Variants in ARHGAP26 observed in about 807,000 individuals in gnomAD.
ARHGAP26 encodes the protein Rho GTPase activating protein 26, also known as rho GTPase-activating protein 26.
In ARHGAP26, 38 loss-of-function variants were observed where a neutral mutation model predicts 104.8. The ratio of observed to expected loss-of-function variants is 0.36; its 90% CI spans 0.28 to 0.48. The LOEUF (loss-of-function observed/expected upper bound fraction) is 0.48. Ranked by LOEUF, ARHGAP26 falls within the 20% of genes least tolerant of loss-of-function variation. The pLI, the probability that ARHGAP26 is intolerant of heterozygous loss-of-function variation, is 0.99. For missense variants in ARHGAP26, 704 were observed against 947.9 expected (o/e 0.74, Z 3.38); for synonymous variants, 341 against 340.0 (o/e 1.00, Z -0.03).
chr5:142,789,052 G>A lies in ARHGAP26; in HGVS notation c.154+18137G>A, dbSNP rs570000184. Among the ~76,000 whole-genome samples the A allele has an allele frequency of 1.4e-4, 21 of 152,298 alleles. No homozygotes were observed. In the East Asian group the frequency reaches 1.7e-3, roughly 13 times the overall value. ...CTTGATCTAATGCCAACCCTTTTGC[G>A]TGGAACTATTGTTATACTGCTGACT... On this transcript the variant is annotated intron_variant, in intron 1 of 22. Coordinates refer to ENST00000645722, the MANE Select transcript of ARHGAP26 (RefSeq NM_001135608.3).
chr5:143,103,029 T>C (rs1793485497), intron 17 of ARHGAP26, among the ~76,000 whole-genome samples: 1 of 152,158 alleles, frequency 6.6e-6, no homozygotes, highest in South Asian at 2.1e-4. Context: ...CAACTATTTT[T>C]CTTCCCCATG....
chr5:143,014,147 G>T (rs749146536), intron 12 of ARHGAP26, 31 bp downstream of exon 12: 1 of 1,613,368 alleles, frequency 6.2e-7, no homozygotes, highest in Admixed American at 1.7e-5. Flanking sequence ...ACCTTCTACA[G>T]CCAGGGTTGG....
chr5:142,931,103 A>C (rs1402884906), intron 10 of ARHGAP26, among the ~76,000 whole-genome samples: 1 of 152,226 alleles, frequency 6.6e-6, no homozygotes. Flanking sequence ...GATGGTTTTA[A>C]CTAGCAATTC....
chr5:142,807,716 G>C (rs533051125), intron 1 of ARHGAP26, among the ~76,000 whole-genome samples: 2 of 152,322 alleles, frequency 1.3e-5, no homozygotes, highest in East Asian at 3.9e-4. Context: ...CTGAGGACAG[G>C]ATGTGAGTGC....
At position 143,135,899 on chromosome 5, in the gene ARHGAP26, A is replaced by C. The variant is rs6896055; in HGVS notation, c.1837+1794A>C. ...TGGGGTCATTCTCACTGTGGTCTGCACGTGGCCTGGGCCCCTGCGAGTGTA... is the reference window on the plus strand; with the variant it reads ...TGGGGTCATTCTCACTGTGGTCTGCCCGTGGCCTGGGCCCCTGCGAGTGTA... On this transcript the variant is annotated intron_variant, in intron 19 of 22. Coordinates refer to ENST00000645722, the MANE Select transcript of ARHGAP26 (RefSeq NM_001135608.3). Among the ~76,000 whole-genome samples, 1,158 of 152,312 alleles carry C rather than the reference A, an allele frequency of 7.6e-3. 20 individuals carry two copies. The highest frequency in any genetic ancestry group is 0.027 in the African/African-American group (1,111 of 41,566).
At chr5:143,101,382 C>T (rs1793209609) in intron 17 of ARHGAP26, among the ~76,000 whole-genome samples, 3 of 152,176 alleles carry the variant, frequency 2.0e-5, no homozygotes, top group South Asian at 2.1e-4. Context: ...GCCCCATACA[C>T]CTTCTATTTC....
chr5:142,776,565 T>C (rs991720179), intron 1 of ARHGAP26, among the ~76,000 whole-genome samples: 1 of 152,228 alleles, frequency 6.6e-6, no homozygotes, highest in African/African-American at 2.4e-5. Context: ...TGTTGTAGCA[T>C]GTATCAGTAG....
intron 10 of ARHGAP26, among the ~76,000 whole-genome samples, chr5:142,929,256 C>T (rs1255723348): frequency 2.0e-5 from 3 of 152,092 alleles, no homozygotes; most frequent in Non-Finnish European, 4.4e-5. Flanking sequence ...TTTAATCTCT[C>T]TCTTCTCTGT....
intron 13 of ARHGAP26, among the ~76,000 whole-genome samples, chr5:143,040,404 G>C (rs1271074351): frequency 6.6e-6 from 1 of 150,526 alleles, no homozygotes; most frequent in Non-Finnish European, 1.5e-5. Context: ...TCTTTTGGAA[G>C]ATTGTGTTTT....
Position 143,056,089 on chromosome 5 carries a change from A to C in ARHGAP26, c.1432+3A>C, listed in dbSNP as rs1467535173. 5.0e-6 allele frequency: 8 copies of C among 1,612,328 alleles called. 1 individual carries two copies. The South Asian group carries it at 5.5e-5, about 11-fold the overall frequency. ...AAGAAGTTTCATCAAAGCAGCAAGT[A>C]AGTCTTTTTTGTCTCAGTTTTAAGG... is the stretch of plus-strand genomic sequence containing the variant. On this transcript the variant is annotated splice_donor_region_variant and intron_variant, in intron 16 of 22. Transcript: ENST00000645722.
chr5:142,794,957 C>T (rs1420379496), intron 1 of ARHGAP26, among the ~76,000 whole-genome samples: 2 of 152,118 alleles, frequency 1.3e-5, no homozygotes, highest in Non-Finnish European at 2.9e-5. Context: ...GATTAGACTA[C>T]AAAGGTGGGC....
At chr5:143,077,448 G>T (rs1405765394) in intron 17 of ARHGAP26, among the ~76,000 whole-genome samples, 2 of 152,208 alleles carry the variant, frequency 1.3e-5, no homozygotes. Flanking sequence ...TCTTCTCATT[G>T]TCCTCACTGG....
At chr5:143,059,041 A>G (rs1291027700) in intron 17 of ARHGAP26, among the ~76,000 whole-genome samples, 1 of 152,186 alleles carries the variant, frequency 6.6e-6, no homozygotes, top group Non-Finnish European at 1.5e-5. Flanking sequence ...TTAAAAAGTA[A>G]CTCCAGATGC....
intron 20 of ARHGAP26, 93 bp from the exon 21 acceptor site, chr5:143,207,105 C>G (rs1051666588): frequency 6.0e-6 from 9 of 1,504,242 alleles, no homozygotes; most frequent in Non-Finnish European, 8.1e-6. Context: ...CTGCTCTGCC[C>G]AGCTTTCCGT....
intron 1 of ARHGAP26, among the ~76,000 whole-genome samples, chr5:142,802,419 A>G (rs187565968): frequency 7.1e-4 from 108 of 152,344 alleles, no homozygotes; most frequent in African/African-American, 2.5e-3. Flanking sequence ...TCCTCACTTA[A>G]CATTGTCGGT....
intron 17 of ARHGAP26, among the ~76,000 whole-genome samples, chr5:143,089,902 C>T (rs1410030870): frequency 6.6e-6 from 1 of 152,100 alleles, no homozygotes; most frequent in African/African-American, 2.4e-5. Flanking sequence ...GATGAAATGC[C>T]AGGGTGAAAG....
intron 18 of ARHGAP26, 39 bp from the exon 19 acceptor site, chr5:143,133,928 A>G (rs1797638706): frequency 2.5e-6 from 4 of 1,574,076 alleles, no homozygotes; most frequent in African/African-American, 2.7e-5. Context: ...TTCCCAGTCC[A>G]CAGATGTGAG....
intron 4 of ARHGAP26, 87 bp from the exon 5 acceptor site, chr5:142,885,211 T>C: frequency 9.0e-7 from 1 of 1,108,000 alleles, no homozygotes; most frequent in Non-Finnish European, 1.4e-6. Flanking sequence ...ATCTGTGTTC[T>C]GAGCAGAAGG....
At chr5:143,067,557 TAC>T (rs1055860978) in intron 17 of ARHGAP26, among the ~76,000 whole-genome samples, 4 of 152,338 alleles carry the variant, frequency 2.6e-5, no homozygotes, top group Admixed American at 2.6e-4. Flanking sequence ...CTTCCACACA[TAC>T]ACAGGAAAGT....
Sources: gnomAD v4.1 joint callset for allele counts (sites outside exome capture counted in the v4.1 genomes callset) on GRCh38, gnomAD v4.1.1 for gene constraint, MANE v1.5 for transcripts, NCBI Gene and HGNC (gene_info 2026-07-23, HGNC 2026-07-21) for gene names.